PAIP2B: variants seen among roughly 807,000 people sequenced by gnomAD.
PAIP2B encodes the protein poly(A) binding protein interacting protein 2B.
PAIP2B carries 13 observed loss-of-function variants against 17.0 expected under a neutral mutation model. The observed-to-expected ratio is 0.76, with a 90% CI of 0.50 to 1.22. The LOEUF is 1.22. Ranked by LOEUF, PAIP2B falls within the 50% of genes most tolerant of loss-of-function variation. The pLI is 0.00. For synonymous variants in PAIP2B, 43 were observed against 48.7 expected (o/e 0.88, Z 0.48); for missense variants, 117 against 144.5 (o/e 0.81, Z 0.98).
rs745481488 is a variant in PAIP2B at position 71,202,543 on chromosome 2, T to A, written c.47A>T (p.Lys16Ile). 2 of 1,613,856 alleles carry A rather than the reference T, an allele frequency of 1.2e-6. No individual in the cohort carries two copies. Among genetic ancestry groups the A allele is most frequent in the Admixed American group, 1.7e-5 (1 of 60,014 alleles). ...MANTSPSVKSKEDQGLSGHDE... is the reference protein window; with the variant it reads ...MANTSPSVKSIEDQGLSGHDE... The stretch of plus-strand genomic sequence containing the variant: ...GTGCCCACTTAACCCCTGGTCCTCT[T>A]TGGATTTTACACTCGGTGATGTATT... Residue 16 changes from lysine to isoleucine, a missense_variant, in exon 2 of 4, where the codon AAA (lysine) becomes ATA (isoleucine). Physicochemically the swap from Lys to Ile is moderately radical, Grantham distance 102. Transcript: ENST00000244221.
Position 71,220,767 on chromosome 2 carries a change from G to A in PAIP2B, c.-12+6161C>T, listed in dbSNP as rs144862570. 8.6e-4 allele frequency among the ~76,000 whole-genome samples: 131 copies of A among 152,284 alleles called. 5 individuals carry two copies. In the East Asian group the frequency reaches 0.024, roughly 28 times the overall value. On this transcript the variant is annotated intron_variant, in intron 1 of 3. Transcript: ENST00000244221. ...CTCCCAAAGTGCTGGTATTACAGGC[G>A]TGAGCCATCATCACACCCGGCCAGC...
At chr2:71,199,571 C>CTTTTTTTTTTTTT in intron 2 of PAIP2B, among the ~76,000 whole-genome samples, 1 of 145,690 alleles carries the variant, frequency 6.9e-6, no homozygotes, top group Non-Finnish European at 1.5e-5. Context: ...CAACTGCGTC[C>CTTTTTTTTTTTTT]TTTTTTTTTT....
chr2:71,199,243 G>C (rs1282141508), intron 2 of PAIP2B, among the ~76,000 whole-genome samples: 2 of 151,566 alleles, frequency 1.3e-5, no homozygotes, highest in African/African-American at 4.9e-5. Flanking sequence ...CATTTTCTTT[G>C]CATATGAGTT....
intron 1 of PAIP2B, among the ~76,000 whole-genome samples, chr2:71,211,388 T>A (rs1304981945): frequency 6.6e-6 from 1 of 152,244 alleles, no homozygotes. Flanking sequence ...TATTCTGATT[T>A]GTTAGGCCTG....
chr2:71,189,778 A>C, intron 3 of PAIP2B, 67 bp downstream of exon 3: 35 of 1,413,898 alleles, frequency 2.5e-5, no homozygotes, highest in Non-Finnish European at 3.0e-5. Context: ...GCTGGAAAGA[A>C]AGTCTGTCAT....
intron 1 of PAIP2B, among the ~76,000 whole-genome samples, chr2:71,226,510 C>T (rs1007180425): frequency 1.3e-5 from 2 of 152,176 alleles, no homozygotes; most frequent in Non-Finnish European, 2.9e-5. Context: ...CCCTCCCGCT[C>T]CAGCCCGGGG....
In PAIP2B at chr2:71,205,018, T is replaced by C. The variant is rs569433916; in HGVS notation, c.-11-2418A>G. Among the ~76,000 whole-genome samples the C allele has an allele frequency of 2.0e-5, 3 of 151,460 alleles. No homozygotes were observed. In the South Asian group the frequency reaches 6.3e-4, roughly 32 times the overall value. ...CCAAAAAGTAAGTCCTGAGTGTACATGATTGTAAGGCAAAAGAGAAAGGGA... is the reference window on the plus strand; with the variant it reads ...CCAAAAAGTAAGTCCTGAGTGTACACGATTGTAAGGCAAAAGAGAAAGGGA... On this transcript the variant is annotated intron_variant, in intron 1 of 3. Coordinates refer to ENST00000244221, the MANE Select transcript of PAIP2B (RefSeq NM_020459.1).
chr2:71,189,800 T>C (rs1229161123), intron 3 of PAIP2B, 45 bp downstream of exon 3: 2 of 1,486,898 alleles, frequency 1.3e-6, no homozygotes, highest in African/African-American at 1.4e-5. Context: ...CCAAATCCTA[T>C]ATTCTTTTCA....
chr2:71,203,068 CA>C (rs1240331243), intron 1 of PAIP2B, among the ~76,000 whole-genome samples: 1 of 151,770 alleles, frequency 6.6e-6, no homozygotes. Flanking sequence ...TATTGATAAG[CA>C]AAAAGGAAAA....
intron 2 of PAIP2B, among the ~76,000 whole-genome samples, chr2:71,197,789 G>A (rs1558774590): frequency 2.0e-5 from 3 of 152,170 alleles, no homozygotes; most frequent in Non-Finnish European, 4.4e-5. Flanking sequence ...AGCTTGTGCA[G>A]GAAAACTCCC....
At chr2:71,216,889 T>A (rs1675443198) in intron 1 of PAIP2B, among the ~76,000 whole-genome samples, 1 of 152,206 alleles carries the variant, frequency 6.6e-6, no homozygotes, top group African/African-American at 2.4e-5. Context: ...ATGTATTTTA[T>A]TTTTATGAGT....
intron 1 of PAIP2B, among the ~76,000 whole-genome samples, chr2:71,219,221 C>T (rs192042008): frequency 1.3e-4 from 19 of 151,816 alleles, no homozygotes; most frequent in South Asian, 8.3e-4. Flanking sequence ...TGAGCCACCG[C>T]GCCCAGCCTA....
chr2:71,224,367 G>T (rs1390842359), intron 1 of PAIP2B, among the ~76,000 whole-genome samples: 4 of 152,176 alleles, frequency 2.6e-5, no homozygotes, highest in African/African-American at 9.7e-5. Flanking sequence ...CTGGGAACAA[G>T]GGTTGAATAT....
At chr2:71,212,847 G>A (rs954181507) in intron 1 of PAIP2B, among the ~76,000 whole-genome samples, 3 of 151,960 alleles carry the variant, frequency 2.0e-5, no homozygotes, top group Admixed American at 2.0e-4. Flanking sequence ...CTGAACTCCC[G>A]GGCTGAGGCA....
chr2:71,214,320 A>T (rs1675375185), intron 1 of PAIP2B, among the ~76,000 whole-genome samples: 1 of 152,238 alleles, frequency 6.6e-6, no homozygotes, highest in African/African-American at 2.4e-5. Context: ...CTCAAATATT[A>T]AAAATGGGGT....
chr2:71,224,880 A>G lies in PAIP2B; in HGVS notation c.-12+2048T>C, dbSNP rs560850201. 1.1e-4 allele frequency among the ~76,000 whole-genome samples: 16 copies of G among 152,354 alleles called. No individual in the cohort carries two copies. In the South Asian group the frequency reaches 1.4e-3, roughly 14 times the overall value. ...TACTCCCAAAAAAGACTGCACAAAA[A>G]TAACTTTGGTTTTCAGCTGCAGTCA... On this transcript the variant is annotated intron_variant, in intron 1 of 3. Coordinates refer to ENST00000244221, the MANE Select transcript of PAIP2B (RefSeq NM_020459.1).
chr2:71,198,479 G>T (rs1236375590), intron 2 of PAIP2B, among the ~76,000 whole-genome samples: 2 of 144,712 alleles, frequency 1.4e-5, no homozygotes, highest in East Asian at 3.9e-4. Flanking sequence ...TAGAGACGGG[G>T]TTTCACCGTG....
intron 1 of PAIP2B, among the ~76,000 whole-genome samples, chr2:71,207,188 G>A (rs768033931): frequency 2.0e-5 from 3 of 152,126 alleles, no homozygotes; most frequent in Non-Finnish European, 2.9e-5. Flanking sequence ...ACAACAGGGG[G>A]CCCAATCTAG....
At chr2:71,224,625 G>A (rs1282464084) in intron 1 of PAIP2B, among the ~76,000 whole-genome samples, 1 of 152,120 alleles carries the variant, frequency 6.6e-6, no homozygotes, top group Non-Finnish European at 1.5e-5. Context: ...GGTAGGTTCA[G>A]GAAATGGCAC....
Sources: allele counts gnomAD v4.1 joint callset (sites outside exome capture counted in the v4.1 genomes callset), GRCh38; gene constraint gnomAD v4.1.1; transcripts MANE v1.5; gene names NCBI Gene and HGNC (gene_info 2026-07-23, HGNC 2026-07-21).